Variants in HERC6 observed in about 807,000 individuals in gnomAD.
HERC6 encodes the protein HECT and RLD domain containing E3 ubiquitin protein ligase family member 6.
A neutral mutation model predicts 114.5 loss-of-function variants in HERC6; 101 were observed. The observed-to-expected ratio is 0.88, with a 90% CI of 0.75 to 1.04. The LOEUF (loss-of-function observed/expected upper bound fraction) is 1.04, where lower values mean the gene tolerates loss of function less well. Ranked by LOEUF, HERC6 falls within the 50% of genes least tolerant of loss-of-function variation. HERC6 has a pLI of 0.00. For missense variants in HERC6, 1,133 were observed against 1,230.9 expected (o/e 0.92, Z 1.19); for synonymous variants, 408 against 436.2 (o/e 0.94, Z 0.81).
intron 20 of HERC6, among the ~76,000 whole-genome samples, chr4:88,438,906 C>A (rs757947982): frequency 1.3e-5 from 2 of 152,158 alleles, no homozygotes; most frequent in Non-Finnish European, 2.9e-5. Context: ...ACAAAGGCTG[C>A]CCAAAGTGTG....
intron 8 of HERC6, among the ~76,000 whole-genome samples, chr4:88,404,193 CTT>C (rs202005015): frequency 3.8e-4 from 52 of 137,048 alleles, no homozygotes; most frequent in East Asian, 4.3e-4. Context: ...AATTTCATTT[CTT>C]TTTTTTTTTT....
At chr4:88,390,253 G>A (rs1734834426) in intron 3 of HERC6, among the ~76,000 whole-genome samples, 1 of 151,842 alleles carries the variant, frequency 6.6e-6, no homozygotes, top group African/African-American at 2.4e-5. Flanking sequence ...GCCAGGGGCT[G>A]GGGGTTGGGG....
intron 10 of HERC6, among the ~76,000 whole-genome samples, chr4:88,408,025 C>G (rs1735893718): frequency 6.6e-6 from 1 of 152,174 alleles, no homozygotes; most frequent in African/African-American, 2.4e-5. Context: ...AATCTATGGG[C>G]ACAAACTGTT....
chr4:88,419,593 T>C (rs530808584), intron 13 of HERC6, among the ~76,000 whole-genome samples: 17 of 152,274 alleles, frequency 1.1e-4, no homozygotes, highest in African/African-American at 3.4e-4. Flanking sequence ...TGTTAAAAAA[T>C]TCAGATTCTG....
intron 8 of HERC6, chr4:88,399,306 A>T (rs1177895313): frequency 6.6e-6 from 1 of 152,226 alleles, no homozygotes; most frequent in African/African-American, 2.4e-5. Flanking sequence ...TTGCTCTATC[A>T]TAGCCATTCA....
intron 11 of HERC6, among the ~76,000 whole-genome samples, chr4:88,411,869 G>A (rs1736124178): frequency 6.6e-6 from 1 of 152,222 alleles, no homozygotes; most frequent in Non-Finnish European, 1.5e-5. Flanking sequence ...AGAGGTTTCA[G>A]TGGCCTGGCC....
chr4:88,414,029 T>C (rs914020619), intron 12 of HERC6, among the ~76,000 whole-genome samples: 2 of 152,176 alleles, frequency 1.3e-5, no homozygotes. Context: ...TTCTGTTCTC[T>C]GTAGTGGGTC....
chr4:88,419,233 T>C (rs1438914347), intron 13 of HERC6, among the ~76,000 whole-genome samples: 1 of 152,200 alleles, frequency 6.6e-6, no homozygotes, highest in Non-Finnish European at 1.5e-5. Context: ...GGATTTGGTG[T>C]CCACGTTCTC....
In HERC6 at chr4:88,380,672, G is replaced by A. The variant is rs180713644; in HGVS notation, c.199+1552G>A. On this transcript the variant is annotated intron_variant, in intron 1 of 22. Coordinates refer to ENST00000264346, the MANE Select transcript of HERC6 (RefSeq NM_017912.4). ...GCAGAGGTTGCAGTGAGCCGAAATCGCGACACTGCACTCCAGCCTGGCAAC... is the reference window on the plus strand; with the variant it reads ...GCAGAGGTTGCAGTGAGCCGAAATCACGACACTGCACTCCAGCCTGGCAAC... Among the ~76,000 whole-genome samples, 36 of 149,474 alleles carry A rather than the reference G, an allele frequency of 2.4e-4. 1 individual carries two copies. In the East Asian group the frequency reaches 6.4e-3, roughly 27 times the overall value.
chr4:88,442,663 G>A lies in HERC6; in HGVS notation c.*203G>A. On this transcript the variant is annotated 3_prime_UTR_variant, in exon 23 of 23. Transcript: ENST00000264346. ...CAGGAGAATAGGGTACAGAGATAGG[G>A]ATCTAAGGATGACTTGGACACACTC... 1 of 589,170 alleles carries A rather than the reference G, an allele frequency of 1.7e-6. No individual in the cohort carries two copies. Among genetic ancestry groups the A allele is most frequent in the Non-Finnish European group, 3.0e-6 (1 of 328,980 alleles). 36.5% of individuals were successfully genotyped at this position (589,170 alleles called of 1,614,324 possible). A position where few individuals can be genotyped will look rare whatever the true frequency, so the allele number is the denominator to read the frequency against.
Position 88,439,857 on chromosome 4 carries a change from T to TC in HERC6, c.2556-17_2556-16insC. On this transcript the variant is annotated splice_polypyrimidine_tract_variant and intron_variant, in intron 20 of 22. Transcript: ENST00000264346. ...TCCTTCCTTTCTTTTTTTTTTTTTT[T>TC]TTTTGCTTCCCTCAAGGAGAGACTA... 7.5e-7 allele frequency: 1 copy of TC among 1,339,988 alleles called. No homozygotes were observed. The highest frequency in any genetic ancestry group is 9.6e-7 in the Non-Finnish European group (1 of 1,041,888). The allele number at this position is 1,339,988 out of a possible 1,614,324, so 83.0% of individuals were successfully genotyped here.
chr4:88,402,136 G>A (rs559355339), intron 8 of HERC6, among the ~76,000 whole-genome samples: 2 of 152,332 alleles, frequency 1.3e-5, no homozygotes, highest in East Asian at 1.9e-4. Context: ...AAGAATCTTG[G>A]ACTGCAGGTT....
At chr4:88,425,288 T>C (rs1245188271) in intron 15 of HERC6, among the ~76,000 whole-genome samples, 2 of 152,254 alleles carry the variant, frequency 1.3e-5, no homozygotes, top group African/African-American at 2.4e-5. Context: ...TGCAGAGTAT[T>C]ATCAAGCTTT....
chr4:88,426,626 C>A (rs1025527395), intron 15 of HERC6, among the ~76,000 whole-genome samples: 3 of 151,418 alleles, frequency 2.0e-5, no homozygotes, highest in Admixed American at 2.0e-4. Context: ...ATTACAGGCA[C>A]CCACCACACC....
chr4:88,424,643 A>C lies in HERC6; in HGVS notation c.1876A>C (p.Ile626Leu). The part of the protein sequence containing the change: ...SPVIFSDFPF[I>L]FNSLSKIKLL... The stretch of plus-strand genomic sequence containing the variant: ...TGTTATTTTCAGTGATTTTCCATTT[A>C]TCTTTAATTCGCTATCCAAAATTAA... Residue 626 changes from isoleucine to leucine, a missense_variant, in exon 15 of 23, where the codon ATC (isoleucine) becomes CTC (leucine). Around this residue, in one of 3 missense-constraint regions of HERC6, gnomAD observed 10 missense variants for 31.1 expected, o/e 0.32. Coordinates refer to ENST00000264346, the MANE Select transcript of HERC6 (RefSeq NM_017912.4). 6.2e-7 allele frequency: 1 copy of C among 1,612,418 alleles called. No individual in the cohort carries two copies. Among genetic ancestry groups the C allele is most frequent in the Non-Finnish European group, 8.5e-7 (1 of 1,179,014 alleles).
intron 20 of HERC6, among the ~76,000 whole-genome samples, 175 bp downstream of exon 20, chr4:88,437,956 T>G (rs1411502070): frequency 6.6e-6 from 1 of 152,076 alleles, no homozygotes; most frequent in Non-Finnish European, 1.5e-5. Flanking sequence ...CTGGCCAACA[T>G]GGCGAAACCC....
At chr4:88,400,374 T>C (rs1443150861) in intron 8 of HERC6, among the ~76,000 whole-genome samples, 1 of 152,144 alleles carries the variant, frequency 6.6e-6, no homozygotes. Context: ...GCTGGTTTTT[T>C]TTTGTAGAGA....
chr4:88,436,952 C>A lies in HERC6; in HGVS notation c.2465C>A (p.Ala822Glu). The change falls in exon 19 of 23, where the codon GCG becomes GAG. Residue 822 changes from alanine (A) to glutamate (E), a missense_variant. By Grantham distance (107) the Ala-to-Glu change is moderately radical. Coordinates refer to ENST00000264346, the MANE Select transcript of HERC6 (RefSeq NM_017912.4). ...LDDAADDIGD[A>E]LCIRFSIHWD... ...GATGCTGCTGATGACATTGGAGATG[C>A]GCTCTGCATACGCTTTTCTGTGAGT... The A allele has an allele frequency of 1.9e-6, 3 of 1,604,680 alleles. No individual in the cohort carries two copies. Among genetic ancestry groups the A allele is most frequent in the East Asian group, 2.2e-5 (1 of 44,528 alleles).
chr4:88,380,336 A>AAT (rs1158097333), intron 1 of HERC6, among the ~76,000 whole-genome samples: 2 of 30,978 alleles, frequency 6.5e-5, no homozygotes, highest in Non-Finnish European at 1.0e-4. Flanking sequence ...ATAATATATA[A>AAT]ATATATATAT....
Sources: allele counts gnomAD v4.1 joint callset (sites outside exome capture counted in the v4.1 genomes callset), GRCh38; gene constraint gnomAD v4.1.1; regional missense constraint gnomAD v4.1.1; transcripts MANE v1.5; gene names NCBI Gene and HGNC (gene_info 2026-07-23, HGNC 2026-07-21).